The following ARMC1 variants were observed in gnomAD, a reference collection of about 807,000 sequenced individuals.
The protein encoded by ARMC1 is armadillo repeat-containing protein 1.
Under a neutral mutation model 31.4 loss-of-function variants are expected in ARMC1, and 16 were observed. That is an observed-to-expected ratio of 0.51 (90% confidence interval 0.34 to 0.77). The LOEUF (loss-of-function observed/expected upper bound fraction) is 0.77, where lower values mean the gene tolerates loss of function less well. ARMC1 is among the 30% of genes least tolerant of loss of function. The pLI, the probability that ARMC1 is intolerant of heterozygous loss-of-function variation, is 0.01. For synonymous variants in ARMC1, 114 were observed against 118.9 expected, an observed-to-expected ratio of 0.96 and a Z score of 0.27; for missense variants, 259 against 347.5, an observed-to-expected ratio of 0.75 and a Z score of 2.02.
intron 1 of ARMC1, among the ~76,000 whole-genome samples, chr8:65,628,727 C>T (rs570193972): frequency 1.3e-5 from 2 of 150,736 alleles, no homozygotes; most frequent in South Asian, 2.1e-4. Context: ...CATGGTGGCA[C>T]GCACCTGTAA....
intron 6 of ARMC1, among the ~76,000 whole-genome samples, chr8:65,604,905 C>T (rs1411271693): frequency 1.3e-5 from 2 of 152,126 alleles, no homozygotes; most frequent in Non-Finnish European, 2.9e-5. Flanking sequence ...TATTTGTTTC[C>T]CCCATCACAA....
At chr8:65,633,577 C>G (rs1028569679) in intron 1 of ARMC1, 1 of 152,274 alleles carries the variant, frequency 6.6e-6, no homozygotes, top group East Asian at 1.9e-4. Flanking sequence ...CGAATACCTA[C>G]CCCCGCCCTC....
At chr8:65,622,659 G>C (rs1260068970) in intron 2 of ARMC1, among the ~76,000 whole-genome samples, 2 of 151,852 alleles carry the variant, frequency 1.3e-5, no homozygotes, top group Non-Finnish European at 2.9e-5. Context: ...GGGGAAGTGA[G>C]CTGTGATTGC....
At chr8:65,618,992 G>A (rs1180822186) in intron 3 of ARMC1, among the ~76,000 whole-genome samples, 5 of 151,756 alleles carry the variant, frequency 3.3e-5, no homozygotes, top group African/African-American at 7.3e-5. Context: ...GCAGTGAGCC[G>A]AGATCGCGCC....
chr8:65,628,896 G>A (rs1808573548), intron 1 of ARMC1, among the ~76,000 whole-genome samples: 1 of 151,776 alleles, frequency 6.6e-6, no homozygotes, highest in African/African-American at 2.4e-5. Context: ...GCTCACGCCT[G>A]TAATCCCAGC....
intron 2 of ARMC1, among the ~76,000 whole-genome samples, chr8:65,626,282 G>A (rs543032981): frequency 2.0e-5 from 3 of 152,080 alleles, no homozygotes; most frequent in African/African-American, 7.2e-5. Context: ...GGGACAGGGA[G>A]TGTTGGGGTC....
chr8:65,621,176 C>A (rs1280670788), intron 3 of ARMC1, among the ~76,000 whole-genome samples: 8 of 152,096 alleles, frequency 5.3e-5, no homozygotes, highest in African/African-American at 1.9e-4. Flanking sequence ...GAGCTGAAAC[C>A]ATTCCAGATA....
intron 4 of ARMC1, among the ~76,000 whole-genome samples, chr8:65,611,228 C>T (rs779234291): frequency 1.3e-5 from 2 of 152,214 alleles, no homozygotes; most frequent in Non-Finnish European, 2.9e-5. Context: ...GCCACCATGC[C>T]CGGCCCTCAC....
At chr8:65,623,813 G>A (rs1262252268) in intron 2 of ARMC1, among the ~76,000 whole-genome samples, 1 of 16,750 alleles carries the variant, frequency 6.0e-5, no homozygotes, top group Non-Finnish European at 1.2e-4. Context: ...TTTTTTTTTG[G>A]TGTGATGGAG....
At chr8:65,623,622 C>CA (rs1407031677) in intron 2 of ARMC1, among the ~76,000 whole-genome samples, 4 of 150,824 alleles carry the variant, frequency 2.7e-5, no homozygotes, top group Non-Finnish European at 4.4e-5. Context: ...ACAAAACAAC[C>CA]AAAAAAAACC....
chr8:65,605,219 T>C (rs16932261), intron 6 of ARMC1, 44 bp downstream of exon 6: 25,076 of 1,514,230 alleles, frequency 0.017, 233 homozygotes, highest in East Asian at 0.026. Context: ...TAAAAAATAA[T>C]TGAGAGTGAG....
intron 4 of ARMC1, among the ~76,000 whole-genome samples, chr8:65,610,146 G>A (rs1195947982): frequency 6.6e-6 from 1 of 151,962 alleles, no homozygotes; most frequent in Non-Finnish European, 1.5e-5. Flanking sequence ...CGCCCAGGCT[G>A]GAGTGCAATG....
intron 4 of ARMC1, among the ~76,000 whole-genome samples, chr8:65,612,743 T>C (rs1228510233): frequency 2.0e-5 from 3 of 151,866 alleles, no homozygotes; most frequent in Non-Finnish European, 4.4e-5. Context: ...ACACTCGTAA[T>C]TCCAGCTACT....
Position 65,613,154 on chromosome 8 carries a change from T to C in ARMC1, c.465+90A>G, listed in dbSNP as rs572170050. 2.9e-4 allele frequency: 315 copies of C among 1,084,438 alleles called. 1 individual carries two copies. The East Asian group carries it at 7.5e-3, about 26-fold the overall frequency. 67.2% of individuals were successfully genotyped at this position (1,084,438 alleles called of 1,614,324 possible). On this transcript the variant is annotated intron_variant, in intron 4 of 6. Transcript: ENST00000276569. The stretch of plus-strand genomic sequence containing the variant: ...CCTTTTTATCAGTAAAATACTGATA[T>C]CGAGATTTATTCTCAAAGACTGTTA...
At chr8:65,624,304 G>C (rs1397748387) in intron 2 of ARMC1, among the ~76,000 whole-genome samples, 1 of 151,264 alleles carries the variant, frequency 6.6e-6, no homozygotes, top group Admixed American at 6.6e-5. Flanking sequence ...TTCAAGACCA[G>C]CCTGGCCAAC....
At chr8:65,614,459 C>CA (rs1168094221) in intron 3 of ARMC1, among the ~76,000 whole-genome samples, 2 of 152,196 alleles carry the variant, frequency 1.3e-5, no homozygotes, top group African/African-American at 2.4e-5. Context: ...AATTGCCAAA[C>CA]AGAGTGAGTG....
rs1478745888 is a variant in ARMC1, at chr8:65,607,028, C to A, written c.466-1490G>T. Among the ~76,000 whole-genome samples, 9 of 152,242 alleles carry A rather than the reference C, an allele frequency of 5.9e-5. No homozygotes were observed. In the East Asian group the frequency reaches 1.7e-3, roughly 29 times the overall value. On this transcript the variant is annotated intron_variant, in intron 4 of 6. Coordinates refer to ENST00000276569, the MANE Select transcript of ARMC1 (RefSeq NM_018120.6). ...TTCTGAGGGGTCAATCTGCAACTGACCCACGTGCCAAATCTGTAGACTATA... is the reference window on the plus strand; with the variant it reads ...TTCTGAGGGGTCAATCTGCAACTGAACCACGTGCCAAATCTGTAGACTATA...
intron 3 of ARMC1, among the ~76,000 whole-genome samples, chr8:65,619,303 G>A (rs761273917): frequency 6.6e-6 from 1 of 152,230 alleles, no homozygotes; most frequent in East Asian, 1.9e-4. Context: ...TAGAGAGGCC[G>A]AGTGCAGGTG....
intron 2 of ARMC1, among the ~76,000 whole-genome samples, chr8:65,626,329 C>T (rs978879871): frequency 2.0e-5 from 3 of 151,258 alleles, no homozygotes; most frequent in African/African-American, 7.3e-5. Context: ...GTGGGCCGGG[C>T]ACAGTGGCTC....
Sources: allele counts gnomAD v4.1 joint callset (sites outside exome capture counted in the v4.1 genomes callset), GRCh38; gene constraint gnomAD v4.1.1; transcripts MANE v1.5; gene names NCBI Gene and HGNC (gene_info 2026-07-23, HGNC 2026-07-21).